The following TMCC3 variants were observed in gnomAD, a reference collection of about 807,000 sequenced individuals.
TMCC3 encodes the protein transmembrane and coiled-coil domain protein 3.
Under a neutral mutation model 40.2 loss-of-function variants are expected in TMCC3, and 28 were observed. The observed-to-expected ratio is 0.70, with a 90% CI of 0.52 to 0.95. The LOEUF is 0.95. Among genes scored for constraint, TMCC3 ranks in the 40% least tolerant of loss-of-function variants. The pLI, the probability that TMCC3 is intolerant of heterozygous loss-of-function variation, is 0.00. For synonymous variants in TMCC3, 255 were observed against 248.5 expected (o/e 1.03, Z -0.25); for missense variants, 554 against 615.2 (o/e 0.90, Z 1.05).
In TMCC3 at chr12:94,567,781, A is replaced by G. The variant is rs2068503693; in HGVS notation, c.*3654T>C. On this transcript the variant is annotated 3_prime_UTR_variant, in exon 4 of 4. Transcript: ENST00000261226. ...ATAGGTTGTTTAATCACACATGTTCATATGAATAAATATATTTAAATGTTT... is the reference window on the plus strand; with the variant it reads ...ATAGGTTGTTTAATCACACATGTTCGTATGAATAAATATATTTAAATGTTT... 1.3e-5 allele frequency: 2 copies of G among 152,244 alleles called. No individual in the cohort carries two copies. The highest frequency in any genetic ancestry group is 4.1e-4 in the South Asian group (2 of 4,836). The allele number at this position is 152,244 out of a possible 1,614,324, so 9.4% of individuals were successfully genotyped here. A position where few individuals can be genotyped will look rare whatever the true frequency, so the allele number is the denominator to read the frequency against.
chr12:94,595,366 C>T (rs1329530439), intron 1 of TMCC3, among the ~76,000 whole-genome samples: 4 of 152,174 alleles, frequency 2.6e-5, no homozygotes, highest in African/African-American at 9.7e-5. Flanking sequence ...ACCTGCACTG[C>T]GACTTCCCCA....
chr12:94,638,972 A>G (rs1330348793), intron 1 of TMCC3, among the ~76,000 whole-genome samples: 1 of 150,506 alleles, frequency 6.6e-6, no homozygotes, highest in Admixed American at 6.6e-5. Flanking sequence ...GCCTACATAC[A>G]CATCTTAATT....
intron 1 of TMCC3, among the ~76,000 whole-genome samples, chr12:94,589,725 G>A (rs1478222590): frequency 6.6e-6 from 1 of 152,188 alleles, no homozygotes; most frequent in Non-Finnish European, 1.5e-5. Context: ...TACTTTTATT[G>A]TGAATCAGGC....
At chr12:94,637,309 C>A (rs1441702679) in intron 1 of TMCC3, among the ~76,000 whole-genome samples, 1 of 152,016 alleles carries the variant, frequency 6.6e-6, no homozygotes, top group Admixed American at 6.6e-5. Context: ...CTATTTTGTG[C>A]AAATTTCTGT....
intron 1 of TMCC3, among the ~76,000 whole-genome samples, chr12:94,625,837 A>C (rs2138872207): frequency 6.6e-6 from 1 of 152,326 alleles, no homozygotes; most frequent in South Asian, 2.1e-4. Context: ...GTTAACATTC[A>C]TTTAAATTAT....
intron 1 of TMCC3, among the ~76,000 whole-genome samples, chr12:94,595,250 C>T (rs932875122): frequency 1.9e-4 from 29 of 152,116 alleles, no homozygotes; most frequent in African/African-American, 7.0e-4. Flanking sequence ...TATACTTTAA[C>T]CTGCTTATTA....
In TMCC3 at chr12:94,593,390, G is replaced by GAAGA. The variant is rs1457096974; in HGVS notation, c.79-10853_79-10852insTCTT. ...AAAAAAAAGAAAAGAAAAGAAAGAA[G>GAAGA]AAAGAAGAAAGAAGAAGAAGGAAGA... On this transcript the variant is annotated intron_variant, in intron 1 of 3. Coordinates refer to ENST00000261226, the MANE Select transcript of TMCC3 (RefSeq NM_020698.4). 4.5e-3 allele frequency among the ~76,000 whole-genome samples: 84 copies of GAAGA among 18,666 alleles called. 23 individuals are homozygous for GAAGA. The highest frequency in any genetic ancestry group is 0.019 in the African/African-American group (55 of 2,896). 12.2% of individuals were successfully genotyped at this position (18,666 alleles called of 152,430 possible).
chr12:94,642,340 T>C (rs2068995069), intron 1 of TMCC3, among the ~76,000 whole-genome samples: 1 of 152,228 alleles, frequency 6.6e-6, no homozygotes, highest in Admixed American at 6.5e-5. Flanking sequence ...TCCCTTCCAG[T>C]TCTACCATGG....
intron 3 of TMCC3, among the ~76,000 whole-genome samples, chr12:94,574,064 A>C (rs1293366558): frequency 1.3e-5 from 2 of 152,228 alleles, no homozygotes; most frequent in Non-Finnish European, 1.5e-5. Context: ...CTGAATATGA[A>C]AGAGACAGCT....
chr12:94,611,785 C>T (rs1396643864), intron 1 of TMCC3, among the ~76,000 whole-genome samples: 1 of 150,730 alleles, frequency 6.6e-6, no homozygotes, highest in Admixed American at 6.6e-5. Flanking sequence ...AAAAAACACT[C>T]GGTACCTGTT....
At chr12:94,584,105 C>G (rs972588715) in intron 1 of TMCC3, among the ~76,000 whole-genome samples, 1 of 152,056 alleles carries the variant, frequency 6.6e-6, no homozygotes, top group African/African-American at 2.4e-5. Context: ...ATCTGTGTCC[C>G]TATCCAAATC....
At chr12:94,629,472 G>C (rs1331745751) in intron 1 of TMCC3, among the ~76,000 whole-genome samples, 1 of 152,228 alleles carries the variant, frequency 6.6e-6, no homozygotes, top group Non-Finnish European at 1.5e-5. Context: ...CTTGAGGGCA[G>C]TGCCCACATC....
chr12:94,582,295 C>G lies in TMCC3; in HGVS notation c.322G>C (p.Ala108Pro), dbSNP rs202112740. ...TCAAAGACTTGCTTGATACGTCCCG[C>G]CTGCTGCTTGTCTGCGTTGTTCACT... ...KLVNNADKQQ[A>P]GRIKQVFEKK... is the part of the protein sequence containing the mutation. Residue 108 changes from alanine (A) to proline (P), a missense_variant, in exon 2 of 4, where the codon GCG (alanine) becomes CCG (proline). Physicochemically the swap from Ala to Pro is conservative, Grantham distance 27. Transcript: ENST00000261226. The G allele has an allele frequency of 1.9e-6, 3 of 1,613,918 alleles. No individual in the cohort carries two copies. The highest frequency in any genetic ancestry group is 2.5e-6 in the Non-Finnish European group (3 of 1,180,010).
chr12:94,574,628 G>A (rs984299142), intron 3 of TMCC3, among the ~76,000 whole-genome samples: 2 of 152,186 alleles, frequency 1.3e-5, no homozygotes, highest in Admixed American at 6.5e-5. Context: ...CAGGTTCTCT[G>A]TTACTATAGT....
rs921104201 is a variant in TMCC3, at chr12:94,569,703, T to C, written c.*1732A>G. The C allele has an allele frequency of 2.0e-5, 3 of 152,236 alleles. No individual in the cohort carries two copies. Among genetic ancestry groups the C allele is most frequent in the African/African-American group, 4.8e-5 (2 of 41,460 alleles). 9.4% of individuals were successfully genotyped at this position (152,236 alleles called of 1,614,324 possible). On this transcript the variant is annotated 3_prime_UTR_variant, in exon 4 of 4. Coordinates refer to ENST00000261226, the MANE Select transcript of TMCC3 (RefSeq NM_020698.4). Reference sequence around the variant, plus strand: ...CCGCTCACACACACTGGACTTGTACTAAATGCTCAACGATTCCATTCTCTC... The same window carrying C: ...CCGCTCACACACACTGGACTTGTACCAAATGCTCAACGATTCCATTCTCTC...
chr12:94,642,296 A>G (rs754571735), intron 1 of TMCC3, among the ~76,000 whole-genome samples: 36 of 152,214 alleles, frequency 2.4e-4, no homozygotes, highest in Admixed American at 5.9e-4. Flanking sequence ...CTGCTTCTGC[A>G]AATGGAATGG....
chr12:94,573,518 C>T (rs2068545746), intron 3 of TMCC3, among the ~76,000 whole-genome samples: 1 of 152,138 alleles, frequency 6.6e-6, no homozygotes. Flanking sequence ...TCCCTCTCCT[C>T]CCTCACTTAA....
chr12:94,572,330 A>ATTTTTTTTTCT (rs1178986394), intron 3 of TMCC3, among the ~76,000 whole-genome samples: 1 of 82,910 alleles, frequency 1.2e-5, no homozygotes, highest in Non-Finnish European at 2.1e-5. Context: ...TTTTTTTTTG[A>ATTTTTTTTTCT]GACAGAGTTT....
chr12:94,586,652 T>C lies in TMCC3; in HGVS notation c.79-4114A>G, dbSNP rs75969341. ...AACCGAGCAGTAAATAAACACCTGTTCTTACTCCTTTAATTCTCAACTGCA... is the reference window on the plus strand; with the variant it reads ...AACCGAGCAGTAAATAAACACCTGTCCTTACTCCTTTAATTCTCAACTGCA... On this transcript the variant is annotated intron_variant, in intron 1 of 3. Transcript: ENST00000261226. Among the ~76,000 whole-genome samples, 433 of 151,366 alleles carry C rather than the reference T, an allele frequency of 2.9e-3. 3 individuals carry two copies. Among genetic ancestry groups the C allele is most frequent in the African/African-American group, 0.01 (417 of 40,794 alleles).
Sources: gnomAD v4.1 joint callset for allele counts (sites outside exome capture counted in the v4.1 genomes callset) on GRCh38, gnomAD v4.1.1 for gene constraint, MANE v1.5 for transcripts, NCBI Gene and HGNC (gene_info 2026-07-23, HGNC 2026-07-21) for gene names.